The following KIAA1217 variants were observed in gnomAD, a reference collection of about 807,000 sequenced individuals.
KIAA1217 encodes the protein sickle tail protein homolog.
A neutral mutation model predicts 163.9 loss-of-function variants in KIAA1217; 88 were observed. The ratio of observed to expected loss-of-function variants is 0.54; its 90% CI spans 0.45 to 0.64. The LOEUF (loss-of-function observed/expected upper bound fraction) is 0.64, where lower values mean the gene tolerates loss of function less well. Ranked by LOEUF, KIAA1217 falls within the 30% of genes least tolerant of loss-of-function variation. The probability of loss-of-function intolerance (pLI) is 0.00; values close to 1 mark genes in which losing one functional copy is unlikely to be tolerated. For synonymous variants in KIAA1217, 903 were observed against 923.1 expected, an observed-to-expected ratio of 0.98 and a Z score of 0.39; for missense variants, 2,372 against 2,475.0, an observed-to-expected ratio of 0.96 and a Z score of 0.88.
At chr10:23,877,443 C>T (rs1351071843) in intron 1 of KIAA1217, 2 of 151,912 alleles carry the variant, frequency 1.3e-5, no homozygotes, top group Admixed American at 1.3e-4. Flanking sequence ...TGCTGTCCAC[C>T]ACCCATGAGC....
chr10:23,801,684 C>T (rs1201098606), intron 1 of KIAA1217, among the ~76,000 whole-genome samples: 1 of 152,090 alleles, frequency 6.6e-6, no homozygotes, highest in East Asian at 1.9e-4. Flanking sequence ...TTACTCTGCA[C>T]AGACACCCCA....
intron 3 of KIAA1217, among the ~76,000 whole-genome samples, chr10:24,429,103 A>AG (rs913316131): frequency 4.6e-5 from 7 of 152,202 alleles, no homozygotes; most frequent in Non-Finnish European, 1.0e-4. Context: ...TGGTTTGGAT[A>AG]GGTATAGACC....
intron 1 of KIAA1217, among the ~76,000 whole-genome samples, chr10:23,773,031 T>C (rs1425846584): frequency 1.3e-5 from 2 of 152,194 alleles, no homozygotes; most frequent in East Asian, 3.9e-4. Context: ...GGGTTTTATT[T>C]TATTTTTTCT....
chr10:23,710,229 C>T (rs769140382), intron 1 of KIAA1217, among the ~76,000 whole-genome samples: 1 of 152,102 alleles, frequency 6.6e-6, no homozygotes, highest in African/African-American at 2.4e-5. Flanking sequence ...ACAATTCAGG[C>T]CAGTGTAATT....
At chr10:24,461,754 C>T (rs762675503) in intron 5 of KIAA1217, among the ~76,000 whole-genome samples, 9 of 152,166 alleles carry the variant, frequency 5.9e-5, no homozygotes, top group Non-Finnish European at 1.2e-4. Context: ...TTTTAATTCT[C>T]ACGTTGTTGT....
chr10:23,737,935 AC>A (rs1838902576), intron 1 of KIAA1217, among the ~76,000 whole-genome samples: 10 of 151,628 alleles, frequency 6.6e-5, no homozygotes, highest in Admixed American at 6.6e-4. Flanking sequence ...AATTTATAAG[AC>A]TTTTTCATCT....
intron 3 of KIAA1217, among the ~76,000 whole-genome samples, chr10:24,427,171 C>G (rs908411818): frequency 6.6e-6 from 1 of 152,162 alleles, no homozygotes; most frequent in Non-Finnish European, 1.5e-5. Context: ...GACACTCACT[C>G]TGGCACAGGT....
intron 2 of KIAA1217, among the ~76,000 whole-genome samples, chr10:24,280,538 G>T (rs533543488): frequency 2.0e-5 from 3 of 152,282 alleles, no homozygotes; most frequent in East Asian, 1.9e-4. Flanking sequence ...CTGGCCGGGC[G>T]TGGTGACTCA....
chr10:24,419,424 A>G (rs887565220), intron 3 of KIAA1217, among the ~76,000 whole-genome samples: 1 of 152,208 alleles, frequency 6.6e-6, no homozygotes, highest in African/African-American at 2.4e-5. Context: ...AACAGATGTT[A>G]GTGTCTGTTT....
intron 2 of KIAA1217, among the ~76,000 whole-genome samples, chr10:24,375,438 G>A (rs568849646): frequency 1.6e-4 from 25 of 152,318 alleles, no homozygotes; most frequent in African/African-American, 5.1e-4. Context: ...TTGGAGTACC[G>A]TGAAGCAGGA....
intron 3 of KIAA1217, among the ~76,000 whole-genome samples, chr10:24,390,471 GGGAGGGAA>G (rs1197945981): frequency 4.3e-5 from 5 of 115,086 alleles, no homozygotes; most frequent in South Asian, 3.4e-4. Context: ...GAGGGAGGGA[GGGAGGGAA>G]GGAAGGAAGG....
chr10:24,295,709 CTT>C (rs762169863), intron 2 of KIAA1217, among the ~76,000 whole-genome samples: 32 of 152,262 alleles, frequency 2.1e-4, no homozygotes, highest in Middle Eastern at 6.8e-3. Flanking sequence ...TGAAGGGTCT[CTT>C]TGTTGACACT....
At chr10:24,080,846 T>C (rs1412907354) in intron 2 of KIAA1217, among the ~76,000 whole-genome samples, 1 of 152,180 alleles carries the variant, frequency 6.6e-6, no homozygotes, top group East Asian at 1.9e-4. Flanking sequence ...AACACAATGA[T>C]TAACTTAATC....
At chr10:24,098,724 C>CGTGTGTGTGT (rs10524680) in intron 2 of KIAA1217, among the ~76,000 whole-genome samples, 3,836 of 139,294 alleles carry the variant, frequency 0.028, 155 homozygotes, top group African/African-American at 0.086. Context: ...TGAAGGGGAG[C>CGTGTGTGTGT]GTGTGTGTGT....
At chr10:23,703,553 G>A (rs189275406) in intron 1 of KIAA1217, among the ~76,000 whole-genome samples, 22 of 152,284 alleles carry the variant, frequency 1.4e-4, no homozygotes, top group African/African-American at 2.6e-4. Flanking sequence ...TTTCTGTATC[G>A]TAAATATTTC....
chr10:23,905,193 T>C (rs1276926969), intron 1 of KIAA1217, among the ~76,000 whole-genome samples: 3 of 151,788 alleles, frequency 2.0e-5, no homozygotes, highest in Admixed American at 6.6e-5. Flanking sequence ...GCTTTTTTTT[T>C]TTTCTTTCTG....
intron 1 of KIAA1217, among the ~76,000 whole-genome samples, chr10:23,723,727 C>A (rs980041743): frequency 1.3e-5 from 2 of 152,040 alleles, no homozygotes; most frequent in Non-Finnish European, 2.9e-5. Context: ...GAGATCCTTG[C>A]TAAGAAAGCC....
chr10:24,004,300 G>C (rs1249509105), intron 1 of KIAA1217, among the ~76,000 whole-genome samples: 1 of 151,958 alleles, frequency 6.6e-6, no homozygotes, highest in Non-Finnish European at 1.5e-5. Context: ...TTTATTCAAA[G>C]ACAAGATTTT....
At chr10:23,783,034 TA>T (rs1211639523) in intron 1 of KIAA1217, among the ~76,000 whole-genome samples, 1 of 152,238 alleles carries the variant, frequency 6.6e-6, no homozygotes, top group African/African-American at 2.4e-5. Flanking sequence ...TTTGAGTTTT[TA>T]ATCAAGAAAG....
Sources: gnomAD v4.1 joint callset for allele counts (sites outside exome capture counted in the v4.1 genomes callset) on GRCh38, gnomAD v4.1.1 for gene constraint, MANE v1.5 for transcripts, NCBI Gene and HGNC (gene_info 2026-07-23, HGNC 2026-07-21) for gene names.